The following ACTA2 variants were observed in gnomAD, a reference collection of about 807,000 sequenced individuals.
The protein encoded by ACTA2 is actin, aortic smooth muscle.
Under a neutral mutation model 39.5 loss-of-function variants are expected in ACTA2, and 12 were observed. The observed-to-expected ratio is 0.30, with a 90% CI of 0.19 to 0.49. The LOEUF is 0.49. Ranked by LOEUF, ACTA2 falls within the 20% of genes least tolerant of loss-of-function variation. ACTA2 has a pLI of 0.99. For missense variants in ACTA2, 236 were observed against 498.8 expected, an observed-to-expected ratio of 0.47 and a Z score of 5.02; for synonymous variants, 158 against 180.6, an observed-to-expected ratio of 0.88 and a Z score of 1.00.
At chr10:88,941,069 T>A (rs962424962) in intron 6 of ACTA2, 160 bp downstream of exon 6, 1 of 910,064 alleles carries the variant, frequency 1.1e-6, no homozygotes, top group African/African-American at 1.6e-5. Context: ...TTTTGCAACT[T>A]CACACAGCAA....
intron 1 of ACTA2, among the ~76,000 whole-genome samples, chr10:88,971,985 T>C (rs764035097): frequency 6.6e-6 from 1 of 151,930 alleles, no homozygotes; most frequent in Admixed American, 6.6e-5. Flanking sequence ...CTCAGCTCAC[T>C]GCAACTTCTG....
chr10:88,985,045 G>A (rs997967424), intron 1 of ACTA2, among the ~76,000 whole-genome samples: 12 of 152,308 alleles, frequency 7.9e-5, no homozygotes, highest in East Asian at 5.8e-4. Context: ...TATAAAAGGC[G>A]TTGGTGATGG....
chr10:88,985,084 C>G (rs1386689061), intron 1 of ACTA2, among the ~76,000 whole-genome samples: 1 of 152,080 alleles, frequency 6.6e-6, no homozygotes, highest in Admixed American at 6.5e-5. Context: ...CAAATTGCTA[C>G]AACAAAATAA....
At chr10:88,961,670 C>A (rs537854825) in intron 1 of ACTA2, among the ~76,000 whole-genome samples, 6 of 152,286 alleles carry the variant, frequency 3.9e-5, no homozygotes, top group African/African-American at 1.4e-4. Context: ...TGAAAGAGGA[C>A]AAGATCTTTA....
intron 1 of ACTA2, among the ~76,000 whole-genome samples, chr10:88,989,069 A>G (rs1260067809): frequency 1.4e-4 from 22 of 152,202 alleles, no homozygotes; most frequent in Admixed American, 1.4e-3. Context: ...GCTATTTATT[A>G]ACTAACCATC....
chr10:88,953,627 T>C (rs1229932006), upstream of ACTA2, among the ~76,000 whole-genome samples: 1 of 152,168 alleles, frequency 6.6e-6, no homozygotes, highest in Non-Finnish European at 1.5e-5. Flanking sequence ...CCAGGTGATA[T>C]GGTTTGGTTC....
chr10:88,941,934 G>A (rs1845862520), intron 4 of ACTA2, 65 bp from the exon 5 acceptor site: 2 of 1,451,060 alleles, frequency 1.4e-6, no homozygotes, highest in South Asian at 1.2e-5. Context: ...GGTCAGGAGA[G>A]CACACCTGGT....
At position 88,938,042 on chromosome 10, in the gene ACTA2, G is replaced by A. The variant is rs1218783613; in HGVS notation, c.990+19C>T. ...ACACTGCTGGCGGCATTGCCACTGG[G>A]TCTGTCACTGAACAGTACCTTGATC... is the stretch of plus-strand genomic sequence containing the variant. On this transcript the variant is annotated intron_variant, in intron 8 of 8. Coordinates refer to ENST00000224784, the MANE Select transcript of ACTA2 (RefSeq NM_001613.4). The A allele has an allele frequency of 6.2e-7, 1 of 1,613,560 alleles. No individual in the cohort carries two copies. The highest frequency in any genetic ancestry group is 8.5e-7 in the Non-Finnish European group (1 of 1,179,792).
chr10:88,991,273 AG>A (rs1178029231), exon 1 of ACTA2: 2 of 436,162 alleles, frequency 4.6e-6, no homozygotes, highest in East Asian at 4.2e-5. Context: ...GGGTCGCTGG[AG>A]GGGGACCCCG....
chr10:88,956,905 A>G (rs1234871556), upstream of ACTA2, among the ~76,000 whole-genome samples: 2 of 152,232 alleles, frequency 1.3e-5, no homozygotes, highest in Non-Finnish European at 2.9e-5. Context: ...GTGCCATCCC[A>G]TGGTGGAAGA....
rs956182522 is a variant in ACTA2, at chr10:88,935,119, G to A, written c.*104C>T. The A allele has an allele frequency of 8.0e-6, 12 of 1,505,484 alleles. No individual in the cohort carries two copies. The highest frequency in any genetic ancestry group is 6.9e-5 in the South Asian group (6 of 87,042). 93.3% of individuals were successfully genotyped at this position (1,505,484 alleles called of 1,614,324 possible). On this transcript the variant is annotated 3_prime_UTR_variant, in exon 9 of 9. Transcript: ENST00000224784. ...ATTTATTAAAAAACACATAGGTAAC[G>A]AGTCAGAGCTTTGGCTAGGAATGAT... is the stretch of plus-strand genomic sequence containing the variant.
At chr10:88,956,615 C>T (rs1314792984), upstream of ACTA2, among the ~76,000 whole-genome samples, 3 of 152,116 alleles carry the variant, frequency 2.0e-5, no homozygotes, top group Admixed American at 6.5e-5. Flanking sequence ...TTCATTATCC[C>T]GCCTATTACA....
At chr10:88,939,417 A>G in intron 7 of ACTA2, 90 bp downstream of exon 7, 1 of 1,550,984 alleles carries the variant, frequency 6.4e-7, no homozygotes, top group South Asian at 1.1e-5. Flanking sequence ...TCTTGGGGCA[A>G]CCGTCACTTG....
intron 7 of ACTA2, 108 bp from the exon 8 acceptor site, chr10:88,938,350 G>T (rs769983331): frequency 2.4e-6 from 3 of 1,253,034 alleles, no homozygotes; most frequent in Non-Finnish European, 3.5e-6. Context: ...ACTGAGGCTG[G>T]GAAGACATAA....
intron 1 of ACTA2, among the ~76,000 whole-genome samples, chr10:88,975,892 C>T (rs1480816132): frequency 1.3e-5 from 2 of 152,034 alleles, no homozygotes; most frequent in Admixed American, 1.3e-4. Flanking sequence ...TTGTGTTATA[C>T]CATAATACTA....
rs1589393906 is a variant in ACTA2 at position 88,941,230 on chromosome 10, A to G, written c.615T>C (p.Thr205=). ...CCCCTTATCTCCCACAGGCCTCACC[A>G]GTAGTAACGAAGGAATAGCCACGCT... ...LTERGYSFVT[T]AEREIVRDIK... Residue 205 remains threonine, a splice_region_variant and synonymous_variant, in exon 6 of 9, where the codon ACT becomes ACC. Coordinates refer to ENST00000224784, the MANE Select transcript of ACTA2 (RefSeq NM_001613.4). The G allele has an allele frequency of 6.2e-7, 1 of 1,613,910 alleles. No homozygotes were observed.
chr10:88,988,292 T>C (rs1382031333), intron 1 of ACTA2, among the ~76,000 whole-genome samples: 1 of 152,200 alleles, frequency 6.6e-6, no homozygotes, highest in East Asian at 1.9e-4. Flanking sequence ...ATATACACTA[T>C]AGCTGGGAGT....
rs1589438181 is a variant in ACTA2, at chr10:88,990,355, A to G, written c.-24+584T>C. On this transcript the variant is annotated intron_variant, in intron 1 of 4. Coordinates refer to the ACTA2 transcript ENST00000415557. This position sits in a 1 kb window ranked among gnomAD's most constrained non-coding sequence, Gnocchi z 4.9. ...GCTCTGAGCTCCATTCTCCTTCAAG[A>G]CCTCCCCAACTTCCCAGGTTGAACT... 1.3e-5 allele frequency among the ~76,000 whole-genome samples: 2 copies of G among 151,678 alleles called. No homozygotes were observed. The highest frequency in any genetic ancestry group is 3.2e-3 in the Middle Eastern group (1 of 316).
At chr10:88,954,610 G>T (rs955262700), upstream of ACTA2, among the ~76,000 whole-genome samples, 1 of 152,100 alleles carries the variant, frequency 6.6e-6, no homozygotes, top group Non-Finnish European at 1.5e-5. Context: ...CCAAAGAGAA[G>T]AGTTTTTGCA....
Sources: gnomAD v4.1 joint callset for allele counts (sites outside exome capture counted in the v4.1 genomes callset) on GRCh38, gnomAD v4.1.1 for gene constraint, Gnocchi (gnomAD v3.1) non-coding constraint, MANE v1.5 for transcripts, NCBI Gene and HGNC (gene_info 2026-07-23, HGNC 2026-07-21) for gene names.